NDUFS4: variants seen among roughly 807,000 people sequenced by gnomAD.
NDUFS4 encodes NADH:ubiquinone oxidoreductase subunit S4.
NDUFS4 carries 28 observed loss-of-function variants against 24.3 expected under a neutral mutation model. That is an observed-to-expected ratio of 1.15 (90% CI 0.85 to 1.58). The LOEUF (loss-of-function observed/expected upper bound fraction) is 1.58, where lower values mean the gene tolerates loss of function less well. Among genes scored for constraint, NDUFS4 ranks in the 40% most tolerant of loss-of-function variants. The pLI, the probability that NDUFS4 is intolerant of heterozygous loss-of-function variation, is 0.00. For synonymous variants in NDUFS4, 93 were observed against 69.7 expected (o/e 1.34, Z -1.67); for missense variants, 223 against 207.9 (o/e 1.07, Z -0.45).
chr5:53,655,500 T>C (rs929773894), intron 3 of NDUFS4, among the ~76,000 whole-genome samples: 3 of 151,572 alleles, frequency 2.0e-5, no homozygotes, highest in Non-Finnish European at 4.4e-5. Context: ...AATTTCTGTT[T>C]GGGTTTTTAT....
chr5:53,667,517 G>A (rs547459306), intron 4 of NDUFS4, among the ~76,000 whole-genome samples: 153 of 151,184 alleles, frequency 1.0e-3, no homozygotes, highest in African/African-American at 3.5e-3. Flanking sequence ...GGAGGTGGGG[G>A]ATCTTTTCCA....
At chr5:53,673,271 T>C (rs1214142127) in intron 4 of NDUFS4, among the ~76,000 whole-genome samples, 1 of 152,146 alleles carries the variant, frequency 6.6e-6, no homozygotes, top group African/African-American at 2.4e-5. Context: ...GCATATAAAA[T>C]AAACCTAATT....
intron 2 of NDUFS4, among the ~76,000 whole-genome samples, chr5:53,643,944 G>A (rs1377790468): frequency 2.0e-5 from 3 of 152,072 alleles, no homozygotes; most frequent in Non-Finnish European, 4.4e-5. Flanking sequence ...GCTGTAATTC[G>A]AGAAGACATG....
chr5:53,643,202 G>A (rs78175645), intron 2 of NDUFS4, among the ~76,000 whole-genome samples: 14,559 of 151,906 alleles, frequency 0.096, 1,009 homozygotes, highest in Admixed American at 0.2. Flanking sequence ...ATGTGATTTA[G>A]TTTTTTGAAT....
intron 2 of NDUFS4, among the ~76,000 whole-genome samples, chr5:53,631,634 A>T (rs1161005918): frequency 6.6e-6 from 1 of 152,100 alleles, no homozygotes; most frequent in African/African-American, 2.4e-5. Context: ...CTGTGATGGG[A>T]TCCTCCCAGT....
chr5:53,624,132 A>G (rs62371565), intron 2 of NDUFS4, among the ~76,000 whole-genome samples: 4,600 of 152,234 alleles, frequency 0.03, 92 homozygotes, highest in African/African-American at 0.052. Context: ...TTCCACATCA[A>G]ATGGTCTTGG....
chr5:53,620,566 A>G (rs544939946), intron 2 of NDUFS4, among the ~76,000 whole-genome samples: 11 of 152,326 alleles, frequency 7.2e-5, no homozygotes, highest in African/African-American at 2.6e-4. Context: ...CTGCTGCTAC[A>G]TTAGTACCAC....
At position 53,560,692 on chromosome 5, in the gene NDUFS4, GA is replaced by G. The variant is rs2112397783; in HGVS notation, c.31del (p.Arg11GlyfsTer12). MAAVSMSVVL[R>X]QTLWRRRAVA... ...CGGCGGTGTCAATGTCAGTGGTACTGAGGCAGACGTTGTGGCGGAGAAGGGC... is the reference window on the plus strand; with the variant it reads ...CGGCGGTGTCAATGTCAGTGGTACTGGGCAGACGTTGTGGCGGAGAAGGGC... On this transcript the variant is annotated frameshift_variant, in exon 1 of 5. Coordinates refer to ENST00000296684, the MANE Select transcript of NDUFS4 (RefSeq NM_002495.4). LOFTEE classifies it high-confidence loss of function. The G allele has an allele frequency of 6.2e-7, 1 of 1,614,266 alleles. No homozygotes were observed. The highest frequency in any genetic ancestry group is 1.1e-5 in the South Asian group (1 of 91,082).
chr5:53,642,341 T>G (rs1287964830), intron 2 of NDUFS4, among the ~76,000 whole-genome samples: 2 of 152,088 alleles, frequency 1.3e-5, no homozygotes, highest in African/African-American at 2.4e-5. Context: ...CTTTTAAACT[T>G]GATATATAGC....
intron 2 of NDUFS4, among the ~76,000 whole-genome samples, chr5:53,620,284 CA>C (rs1750992917): frequency 1.3e-5 from 2 of 152,148 alleles, no homozygotes; most frequent in South Asian, 4.1e-4. Context: ...GACTCTGACA[CA>C]GGGGGCATGT....
At chr5:53,666,803 G>A (rs1752527319) in intron 4 of NDUFS4, among the ~76,000 whole-genome samples, 1 of 152,020 alleles carries the variant, frequency 6.6e-6, no homozygotes, top group Non-Finnish European at 1.5e-5. Context: ...ATGTGGTGGT[G>A]CGCACCTGTA....
At chr5:53,577,489 T>C (rs1749424023) in intron 1 of NDUFS4, among the ~76,000 whole-genome samples, 2 of 152,116 alleles carry the variant, frequency 1.3e-5, no homozygotes, top group Non-Finnish European at 2.9e-5. Context: ...GCTATTTTTT[T>C]TTTTTTTGGT....
intron 1 of NDUFS4, among the ~76,000 whole-genome samples, chr5:53,569,310 A>G (rs927691713): frequency 2.6e-5 from 4 of 152,128 alleles, no homozygotes; most frequent in Admixed American, 2.6e-4. Flanking sequence ...ATTTCATAAT[A>G]TGGCTTTTTG....
At chr5:53,572,215 TCTGA>T (rs1363852504) in intron 1 of NDUFS4, among the ~76,000 whole-genome samples, 3 of 152,364 alleles carry the variant, frequency 2.0e-5, no homozygotes, top group South Asian at 2.1e-4. Context: ...CTGATTCGTC[TCTGA>T]CTGACCATTT....
At chr5:53,614,209 A>G (rs1750779272) in intron 2 of NDUFS4, among the ~76,000 whole-genome samples, 1 of 151,924 alleles carries the variant, frequency 6.6e-6, no homozygotes. Context: ...TTCAAATGTA[A>G]TTATTTCTAA....
At chr5:53,682,368 C>T (rs946477887) in intron 4 of NDUFS4, among the ~76,000 whole-genome samples, 10 of 151,576 alleles carry the variant, frequency 6.6e-5, no homozygotes, top group African/African-American at 1.2e-4. Flanking sequence ...CTTTGATTAG[C>T]GGCCCTTACT....
chr5:53,627,487 A>G (rs1751266367), intron 2 of NDUFS4, among the ~76,000 whole-genome samples: 1 of 152,080 alleles, frequency 6.6e-6, no homozygotes, highest in African/African-American at 2.4e-5. Flanking sequence ...GTTTATTTTC[A>G]CGATATTGAT....
chr5:53,581,380 A>G (rs1749563816), intron 1 of NDUFS4, among the ~76,000 whole-genome samples: 1 of 152,066 alleles, frequency 6.6e-6, no homozygotes, highest in Admixed American at 6.6e-5. Context: ...ACATGTTGCA[A>G]AAGTCTAAAC....
intron 4 of NDUFS4, among the ~76,000 whole-genome samples, chr5:53,664,724 C>T (rs568271445): frequency 6.6e-6 from 1 of 152,084 alleles, no homozygotes; most frequent in African/African-American, 2.4e-5. Context: ...TTCTAGTTAG[C>T]CATTTGTCTA....
Sources: gnomAD v4.1 joint callset for allele counts (sites outside exome capture counted in the v4.1 genomes callset) on GRCh38, gnomAD v4.1.1 for gene constraint, MANE v1.5 for transcripts, NCBI Gene and HGNC (gene_info 2026-07-23, HGNC 2026-07-21) for gene names.